The following PIWIL3 variants were observed in gnomAD, a reference collection of about 807,000 sequenced individuals.
PIWIL3 encodes the protein piwi-like protein 3.
Under a neutral mutation model 109.7 loss-of-function variants are expected in PIWIL3, and 101 were observed. That is an observed-to-expected ratio of 0.92 (90% confidence interval 0.78 to 1.09). PIWIL3 has a LOEUF of 1.09. Ranked by LOEUF, PIWIL3 falls within the 50% of genes least tolerant of loss-of-function variation. PIWIL3 has a pLI of 0.00. For synonymous variants in PIWIL3, 373 were observed against 376.4 expected (o/e 0.99, Z 0.10); for missense variants, 1,031 against 1,072.6 (o/e 0.96, Z 0.54).
chr22:24,749,617 C>G (rs1924583046), intron 10 of PIWIL3, 76 bp downstream of exon 10: 1 of 1,611,546 alleles, frequency 6.2e-7, no homozygotes, highest in Non-Finnish European at 8.5e-7. Context: ...AGGAGACACC[C>G]TTCGAATTCC....
chr22:24,732,173 A>C (rs1923392019), intron 14 of PIWIL3, among the ~76,000 whole-genome samples: 1 of 152,174 alleles, frequency 6.6e-6, no homozygotes, highest in East Asian at 1.9e-4. Flanking sequence ...ACATCAACGT[A>C]TTTTCTTACA....
intron 11 of PIWIL3, 44 bp from the exon 12 acceptor site, chr22:24,749,065 A>T: frequency 1.4e-6 from 2 of 1,469,258 alleles, no homozygotes; most frequent in East Asian, 2.3e-5. Flanking sequence ...CAAATAAGTA[A>T]AAGCAGCTAG....
At chr22:24,766,480 G>A (rs1158467863) in intron 1 of PIWIL3, among the ~76,000 whole-genome samples, 1 of 151,864 alleles carries the variant, frequency 6.6e-6, no homozygotes. Flanking sequence ...CACCAGGCCT[G>A]GCTAATTTTT....
chr22:24,762,008 A>G, intron 2 of PIWIL3: 1 of 999,366 alleles, frequency 1.0e-6, no homozygotes, highest in Non-Finnish European at 1.2e-6. Flanking sequence ...AAGACAAAAC[A>G]GGGCAGGCAT....
At chr22:24,725,088 C>T (rs775934205) in intron 17 of PIWIL3, 51 bp from the exon 18 acceptor site, 2 of 1,598,424 alleles carry the variant, frequency 1.3e-6, no homozygotes, top group Non-Finnish European at 1.7e-6. Context: ...AACAAACTAG[C>T]CTTTGCTGCT....
intron 1 of PIWIL3, among the ~76,000 whole-genome samples, chr22:24,772,395 T>C (rs1287694292): frequency 6.6e-6 from 1 of 152,160 alleles, no homozygotes; most frequent in Admixed American, 6.5e-5. Flanking sequence ...AAAACCTTTG[T>C]GGAATCATAG....
chr22:24,754,464 C>A (rs1186243644), intron 7 of PIWIL3, among the ~76,000 whole-genome samples: 2 of 151,562 alleles, frequency 1.3e-5, no homozygotes, highest in Admixed American at 1.3e-4. Context: ...GTTTAATATA[C>A]ACATATACCA....
intron 2 of PIWIL3, 127 bp downstream of exon 2, chr22:24,762,271 T>C: frequency 7.1e-7 from 1 of 1,399,208 alleles, no homozygotes; most frequent in Non-Finnish European, 9.3e-7. Flanking sequence ...CTGACTTTTC[T>C]TATGAACTTT....
rs757053423 is a variant in PIWIL3, at chr22:24,751,401, C to G, written c.1075G>C (p.Asp359His). The G allele has an allele frequency of 3.1e-6, 5 of 1,613,202 alleles. No homozygotes were observed. In the South Asian group the frequency reaches 5.5e-5, roughly 18 times the overall value. Residue 359 changes from aspartate (D) to histidine (H), a missense_variant, in exon 9 of 21, where the codon GAC becomes CAC. By Grantham distance (81) the Asp-to-His change is moderately conservative. Transcript: ENST00000616349. ...KSDGSKITYI[D>H]YYRQQHKEIV... ...CAGTTTCATACCTGCCTGTAGTAGT[C>G]TATATAGGTGATTTTGCTGCCATCT...
rs561085964 is a variant in PIWIL3 at position 24,722,994 on chromosome 22, T to TA, written c.2357+135dup. The TA allele has an allele frequency of 3.8e-4, 376 of 987,236 alleles. No individual in the cohort carries two copies. In the Middle Eastern group the frequency reaches 6.3e-3, roughly 16 times the overall value. The allele number at this position is 987,236 out of a possible 1,614,324, so 61.2% of individuals were successfully genotyped here. On this transcript the variant is annotated intron_variant, in intron 19 of 20. Coordinates refer to ENST00000616349, the MANE Select transcript of PIWIL3 (RefSeq NM_001255975.1). ...TAAATGAGGAATCTCTGCCCAATAG[T>TA]AAAAAAAACAGACCAAATTAGTTCT...
At chr22:24,751,229 C>A (rs529915009) in intron 9 of PIWIL3, among the ~76,000 whole-genome samples, 158 bp downstream of exon 9, 12 of 152,194 alleles carry the variant, frequency 7.9e-5, no homozygotes, top group African/African-American at 2.9e-4. Flanking sequence ...ATATACAAGG[C>A]ACGTGGATGC....
Position 24,719,834 on chromosome 22 carries a change from T to C in PIWIL3, c.2419A>G (p.Asn807Asp), listed in dbSNP as rs377157661. ...QDGTVTPTHY[N>D]VIYDTIGLSP... ...AAGCCAATCGTGTCATAGATGACGTTATAATGAGTGGGGGTAACAGTCCCA... is the reference window on the plus strand; with the variant it reads ...AAGCCAATCGTGTCATAGATGACGTCATAATGAGTGGGGGTAACAGTCCCA... Residue 807 changes from asparagine to aspartate, a missense_variant, in exon 20 of 21, where the codon AAC (asparagine) becomes GAC (aspartate). Coordinates refer to ENST00000616349, the MANE Select transcript of PIWIL3 (RefSeq NM_001255975.1). The C allele has an allele frequency of 1.9e-6, 3 of 1,611,110 alleles. No individual in the cohort carries two copies. In the African/African-American group the frequency reaches 4.0e-5, roughly 22 times the overall value.
intron 12 of PIWIL3, among the ~76,000 whole-genome samples, chr22:24,742,673 A>C (rs1924080714): frequency 6.6e-6 from 1 of 152,332 alleles, no homozygotes; most frequent in African/African-American, 2.4e-5. Context: ...TCAACAAATG[A>C]TGCTGGTATA....
chr22:24,761,829 G>C, intron 2 of PIWIL3: 6 of 491,220 alleles, frequency 1.2e-5, no homozygotes, highest in Non-Finnish European at 1.6e-5. Context: ...TGAGGTTGGA[G>C]GGCTTAGGAG....
At position 24,730,524 on chromosome 22, in the gene PIWIL3, A is replaced by G. The variant is rs566359124; in HGVS notation, c.1708-2150T>C. 2.1e-3 allele frequency among the ~76,000 whole-genome samples: 316 copies of G among 152,302 alleles called. 2 individuals carry two copies. Among genetic ancestry groups the G allele is most frequent in the African/African-American group, 7.4e-3 (308 of 41,572 alleles). Reference sequence around the variant, plus strand: ...CACACACACACAGTAGCTGCCATGAATTACAATCATATGCATATGGTGAAG... The same window carrying G: ...CACACACACACAGTAGCTGCCATGAGTTACAATCATATGCATATGGTGAAG... On this transcript the variant is annotated intron_variant, in intron 14 of 20. Transcript: ENST00000616349.
chr22:24,756,353 G>T, intron 5 of PIWIL3, 138 bp downstream of exon 5: 2 of 766,078 alleles, frequency 2.6e-6, no homozygotes, highest in South Asian at 1.9e-5. Flanking sequence ...TGGCACATAG[G>T]TTTCACAACA....
chr22:24,771,760 G>C (rs1926145386), intron 1 of PIWIL3, among the ~76,000 whole-genome samples: 2 of 150,808 alleles, frequency 1.3e-5, no homozygotes, highest in South Asian at 2.1e-4. Context: ...TGGAGACAGA[G>C]TCTTGCCCTG....
intron 14 of PIWIL3, among the ~76,000 whole-genome samples, chr22:24,731,344 G>C (rs1394974889): frequency 2.0e-5 from 3 of 152,196 alleles, no homozygotes; most frequent in Non-Finnish European, 2.9e-5. Context: ...TCAGACCTTA[G>C]TTATAGATGA....
intron 12 of PIWIL3, among the ~76,000 whole-genome samples, chr22:24,744,405 A>G (rs1373980839): frequency 6.6e-6 from 1 of 151,902 alleles, no homozygotes; most frequent in Non-Finnish European, 1.5e-5. Flanking sequence ...ACCTGTCTCT[A>G]CTAAAAATAC....
Sources: gnomAD v4.1 joint callset for allele counts (sites outside exome capture counted in the v4.1 genomes callset) on GRCh38, gnomAD v4.1.1 for gene constraint, MANE v1.5 for transcripts, NCBI Gene and HGNC (gene_info 2026-07-23, HGNC 2026-07-21) for gene names.